SH3D21: variants seen among roughly 807,000 people sequenced by gnomAD.
SH3D21 encodes the protein manchette microtubule inner protein 1.
Under a neutral mutation model 82.1 loss-of-function variants are expected in SH3D21, and 83 were observed. The ratio of observed to expected loss-of-function variants is 1.01; its 90% CI spans 0.85 to 1.21. The LOEUF (loss-of-function observed/expected upper bound fraction) is 1.21, where lower values mean the gene tolerates loss of function less well. Among genes scored for constraint, SH3D21 ranks in the 50% most tolerant of loss-of-function variants. The probability of loss-of-function intolerance (pLI) is 0.00; values close to 1 mark genes in which losing one functional copy is unlikely to be tolerated. For synonymous variants in SH3D21, 383 were observed against 387.8 expected, an observed-to-expected ratio of 0.99 and a Z score of 0.15; for missense variants, 980 against 962.1, an observed-to-expected ratio of 1.02 and a Z score of -0.25.
In SH3D21 at chr1:36,321,319, T is replaced by C. The variant is rs897380638; in HGVS notation, c.*192T>C. The C allele has an allele frequency of 4.1e-5, 58 of 1,422,006 alleles. No homozygotes were observed. The African/African-American group carries it at 7.1e-4, about 17-fold the overall frequency. The allele number at this position is 1,422,006 out of a possible 1,614,324, so 88.1% of individuals were successfully genotyped here. ...CCTGACGGTCCCTCCCAGGCACATC[T>C]GGCCAACATGTGGCTCCCATTACCG... On this transcript the variant is annotated 3_prime_UTR_variant, in exon 16 of 16. Coordinates refer to ENST00000453908, the MANE Select transcript of SH3D21 (RefSeq NM_001162530.2). The surrounding 1 kb of genome is among the most constrained non-coding windows in gnomAD (Gnocchi z 6.1).
Position 36,306,975 on chromosome 1 carries a change from G to A in SH3D21, c.226+70G>A. ...AGCCAGTGCGACCCCGGCGTCTCCG[G>A]CTCTTAGTGACGGGCGCGGCTCTGG... On this transcript the variant is annotated intron_variant, in intron 3 of 15. Transcript: ENST00000453908. The surrounding 1 kb of genome is among the most constrained non-coding windows in gnomAD (Gnocchi z 4.5). The A allele has an allele frequency of 7.3e-7, 1 of 1,368,418 alleles. No individual in the cohort carries two copies. The highest frequency in any genetic ancestry group is 9.5e-7 in the Non-Finnish European group (1 of 1,054,042). The allele number at this position is 1,368,418 out of a possible 1,614,324, so 84.8% of individuals were successfully genotyped here.
intron 10 of SH3D21, among the ~76,000 whole-genome samples, chr1:36,318,189 T>C (rs1646375940): frequency 6.6e-6 from 1 of 152,124 alleles, no homozygotes. Flanking sequence ...AAGGAGTCAT[T>C]TGTCATCCAA....
intron 10 of SH3D21, among the ~76,000 whole-genome samples, chr1:36,314,593 T>G (rs1202212486): frequency 1.3e-5 from 2 of 151,588 alleles, no homozygotes; most frequent in South Asian, 2.1e-4. Context: ...GTAGCTAGGA[T>G]GACAGGCGTG....
At chr1:36,311,918 C>G (rs1215119964) in intron 10 of SH3D21, among the ~76,000 whole-genome samples, 1 of 151,870 alleles carries the variant, frequency 6.6e-6, no homozygotes, top group Non-Finnish European at 1.5e-5. Flanking sequence ...TGGTCTCGAA[C>G]TCCTGGGCTC....
rs755204117 is a variant in SH3D21, at chr1:36,320,278, C to T, written c.1615C>T (p.Gln539Ter). The change falls in exon 14 of 16, where the codon CAG (glutamine) becomes TAG (stop). Residue 539 changes from glutamine (Q) to a stop codon, truncating the protein, a stop_gained. Coordinates refer to ENST00000453908, the MANE Select transcript of SH3D21 (RefSeq NM_001162530.2). LOFTEE classifies it high-confidence loss of function. ...EAHTPEAPPPQPPSSERCLGE... is the reference protein window; with the variant it reads ...EAHTPEAPPP ...CCACACGCCAGAGGCACCCCCACCC[C>T]AGCCTCCTTCCTCAGAGAGGTGCCT... 1 of 1,612,728 alleles carries T rather than the reference C, an allele frequency of 6.2e-7. No individual in the cohort carries two copies. Among genetic ancestry groups the T allele is most frequent in the Admixed American group, 1.7e-5 (1 of 59,982 alleles).
downstream of SH3D21, chr1:36,329,023 C>T (rs1025347859): frequency 2.0e-5 from 3 of 152,294 alleles, no homozygotes; most frequent in East Asian, 5.8e-4. Context: ...TGCTCCCCAC[C>T]GCTTTCCATG....
intron 9 of SH3D21, among the ~76,000 whole-genome samples, chr1:36,309,284 C>G (rs1403985382): frequency 1.3e-5 from 2 of 152,086 alleles, no homozygotes; most frequent in East Asian, 1.9e-4. Flanking sequence ...GCAACCTCCC[C>G]CTCTCAGGTT....
At chr1:36,327,959 G>C, downstream of SH3D21, 1 of 955,580 alleles carries the variant, frequency 1.0e-6, no homozygotes, top group Non-Finnish European at 1.5e-6. Flanking sequence ...ATCTCTGCAC[G>C]TGTGTCACCT....
At chr1:36,313,043 G>A (rs1009670981) in intron 10 of SH3D21, among the ~76,000 whole-genome samples, 1 of 152,086 alleles carries the variant, frequency 6.6e-6, no homozygotes, top group African/African-American at 2.4e-5. Context: ...GATGGGAATG[G>A]GCCAGGCTTG....
downstream of SH3D21, chr1:36,328,099 C>A (rs1362123662): frequency 2.2e-6 from 1 of 457,936 alleles, no homozygotes; most frequent in Admixed American, 2.3e-5. Context: ...GCCCTCCTAT[C>A]TGCCTGTGAG....
downstream of SH3D21, among the ~76,000 whole-genome samples, chr1:36,325,300 G>A (rs1168164141): frequency 6.6e-6 from 1 of 152,166 alleles, no homozygotes; most frequent in African/African-American, 2.4e-5. Context: ...CCAAAGTGCT[G>A]GGATTACAAG....
chr1:36,306,835 T>C lies in SH3D21; in HGVS notation c.163-7T>C, dbSNP rs560185298. ...TGAGAGCGCCTTCCCCGTGCCCTGA[T>C]TCCCAGGAGATCCCAGAGACCCTGC... On this transcript the variant is annotated splice_polypyrimidine_tract_variant and splice_region_variant and intron_variant, in intron 2 of 15. Coordinates refer to ENST00000453908, the MANE Select transcript of SH3D21 (RefSeq NM_001162530.2). The surrounding 1 kb of genome is among the most constrained non-coding windows in gnomAD (Gnocchi z 4.5). 2 of 1,295,704 alleles carry C rather than the reference T, an allele frequency of 1.5e-6. No individual in the cohort carries two copies. The highest frequency in any genetic ancestry group is 2.0e-6 in the Non-Finnish European group (2 of 989,744). 80.3% of individuals were successfully genotyped at this position (1,295,704 alleles called of 1,614,324 possible).
chr1:36,319,156 C>T lies in SH3D21; in HGVS notation c.855C>T (p.Ser285=). 6.4e-7 allele frequency: 1 copy of T among 1,551,490 alleles called. No individual in the cohort carries two copies. The highest frequency in any genetic ancestry group is 8.7e-7 in the Non-Finnish European group (1 of 1,146,784). Residue 285 remains serine, a synonymous_variant, in exon 11 of 16, where the codon AGC becomes AGT. Coordinates refer to ENST00000453908, the MANE Select transcript of SH3D21 (RefSeq NM_001162530.2). ...TAGCAACAGCCACCACTGGGCCCAGCAAAGCCAAGTAAGGAGCAGGATGGG... is the reference window on the plus strand; with the variant it reads ...TAGCAACAGCCACCACTGGGCCCAGTAAAGCCAAGTAAGGAGCAGGATGGG... The part of the protein sequence containing the change: ...KKLATATTGP[S]KAKTSRTPSR...
rs1319880343 is a variant in SH3D21 at position 36,319,744 on chromosome 1, A to G, written c.1081A>G (p.Thr361Ala). 6 of 1,599,770 alleles carry G rather than the reference A, an allele frequency of 3.8e-6. No homozygotes were observed. The highest frequency in any genetic ancestry group is 5.1e-6 in the Non-Finnish European group (6 of 1,174,592). ...AACCCCCATGCCGGACAAGACTGCC[A>G]CCCCAGAGAGGCCCCCAGCTCCAGA... ...KRTPMPDKTATPERPPAPENA... is the reference protein window; with the variant it reads ...KRTPMPDKTAAPERPPAPENA... Residue 361 changes from threonine (T) to alanine (A), a missense_variant, in exon 14 of 16, where the codon ACC becomes GCC. Coordinates refer to ENST00000453908, the MANE Select transcript of SH3D21 (RefSeq NM_001162530.2).
intron 10 of SH3D21, among the ~76,000 whole-genome samples, chr1:36,310,414 G>A (rs1646216107): frequency 6.6e-6 from 1 of 152,126 alleles, no homozygotes. Flanking sequence ...AGGAGTTCAA[G>A]ACCAGCCTGG....
At chr1:36,314,604 C>T (rs928225904) in intron 10 of SH3D21, among the ~76,000 whole-genome samples, 8 of 151,548 alleles carry the variant, frequency 5.3e-5, no homozygotes, top group South Asian at 2.1e-4. Flanking sequence ...GACAGGCGTG[C>T]GCCACCACAC....
rs772660221 is a variant in SH3D21 at position 36,320,981 on chromosome 1, G to A, written c.2199+3G>A. On this transcript the variant is annotated splice_donor_region_variant and intron_variant, in intron 15 of 15. Transcript: ENST00000453908. ...AGGAGCAGCGCCGGCGGCTGGAGGTGAGGCGCGGGTCCCGGCGGGAGGGGG... is the reference window on the plus strand; with the variant it reads ...AGGAGCAGCGCCGGCGGCTGGAGGTAAGGCGCGGGTCCCGGCGGGAGGGGG... The A allele has an allele frequency of 4.0e-5, 63 of 1,572,732 alleles. No individual in the cohort carries two copies. The highest frequency in any genetic ancestry group is 5.3e-5 in the Non-Finnish European group (61 of 1,159,490).
At chr1:36,308,608 T>C (rs995235936) in intron 9 of SH3D21, 133 bp downstream of exon 9, 10 of 669,826 alleles carry the variant, frequency 1.5e-5, no homozygotes, top group Non-Finnish European at 2.6e-5. Context: ...GGGGCTCCTT[T>C]TGGATTCTAA....
downstream of SH3D21, chr1:36,327,810 G>T (rs1410633406): frequency 1.3e-5 from 17 of 1,280,976 alleles, no homozygotes; most frequent in Non-Finnish European, 1.7e-5. Flanking sequence ...AGGCCCTGGG[G>T]AAGGTCCCTG....
Sources: gnomAD v4.1 joint callset for allele counts (sites outside exome capture counted in the v4.1 genomes callset) on GRCh38, gnomAD v4.1.1 for gene constraint, Gnocchi (gnomAD v3.1) non-coding constraint, MANE v1.5 for transcripts, NCBI Gene and HGNC (gene_info 2026-07-23, HGNC 2026-07-21) for gene names.